The following ANKRD26 variants were observed in gnomAD, a reference collection of about 807,000 sequenced individuals.
The protein encoded by ANKRD26 is ankyrin repeat domain 26.
ANKRD26 carries 141 observed loss-of-function variants against 208.7 expected under a neutral mutation model. That is an observed-to-expected ratio of 0.68 (90% CI 0.59 to 0.78). The LOEUF (loss-of-function observed/expected upper bound fraction) is 0.78. Among genes scored for constraint, ANKRD26 ranks in the 30% least tolerant of loss-of-function variants. The pLI is 0.00. For synonymous variants in ANKRD26, 636 were observed against 660.4 expected, an observed-to-expected ratio of 0.96 and a Z score of 0.57; for missense variants, 1,889 against 1,938.7, an observed-to-expected ratio of 0.97 and a Z score of 0.48.
Position 27,035,342 on chromosome 10 carries a change from T to C in ANKRD26, c.3108A>G (p.Arg1036=). 2 of 1,614,006 alleles carry C rather than the reference T, an allele frequency of 1.2e-6. No individual in the cohort carries two copies. Among genetic ancestry groups the C allele is most frequent in the Non-Finnish European group, 1.7e-6 (2 of 1,179,930 alleles). ...SKRELELAFQ[R]ARDECSRLQD... ...GTAAACGAGAACATTCATCTCTTGC[T>C]CTCTGGAAAGCAAGTTCTAGTTCTC... The change falls in exon 24 of 34, where the codon AGA becomes AGG. Residue 1036 remains arginine (R), a synonymous_variant. Transcript: ENST00000376087.
chr10:27,068,014 G>C (rs187115578), intron 9 of ANKRD26, among the ~76,000 whole-genome samples: 1 of 152,208 alleles, frequency 6.6e-6, no homozygotes, highest in East Asian at 1.9e-4. Flanking sequence ...GGACAGTAAG[G>C]GCACAAAAGA....
chr10:26,985,313 G>A (rs2052367965), intron 3 of ANKRD26, among the ~76,000 whole-genome samples: 1 of 152,088 alleles, frequency 6.6e-6, no homozygotes, highest in South Asian at 2.1e-4. Context: ...GTTTACACCA[G>A]GATTACATTT....
rs1554799471 is a variant in ANKRD26 at position 27,099,569 on chromosome 10, G to GGC, written c.242+515_242+516insGC. Among the ~76,000 whole-genome samples the GGC allele has an allele frequency of 5.7e-4, 80 of 140,112 alleles. 1 individual carries two copies. The highest frequency in any genetic ancestry group is 2.0e-3 in the African/African-American group (77 of 38,868). The allele number at this position is 140,112 out of a possible 152,430, so 91.9% of individuals were successfully genotyped here. A position where few individuals can be genotyped will look rare whatever the true frequency, so the allele number is the denominator to read the frequency against. On this transcript the variant is annotated intron_variant, in intron 1 of 33. Coordinates refer to ENST00000376087, the MANE Select transcript of ANKRD26 (RefSeq NM_014915.3). ...AGCTGAGACTATTAGAGTTGGGGGG[G>GGC]GGGGTCTCGCTATAATGCCCAGGCT...
chr10:27,013,877 C>T (rs1183613726), intron 31 of ANKRD26, among the ~76,000 whole-genome samples: 3 of 152,204 alleles, frequency 2.0e-5, no homozygotes, highest in Admixed American at 6.5e-5. Context: ...ACCTGTTTTC[C>T]ACACACTCCC....
In ANKRD26 at chr10:27,077,597, AAT is replaced by A. The variant is rs113736825; in HGVS notation, c.874+34_874+35del. The stretch of plus-strand genomic sequence containing the variant: ...AAATATATGTAATTAAGAATCAGTG[AAT>A]AACACAAGAATAAGCAGTTTTCAAA... On this transcript the variant is annotated intron_variant, in intron 8 of 33. Coordinates refer to ENST00000376087, the MANE Select transcript of ANKRD26 (RefSeq NM_014915.3). 4,550 of 1,612,082 alleles carry A rather than the reference AAT, an allele frequency of 2.8e-3. 135 individuals are homozygous for A. In the African/African-American group the frequency reaches 0.053, roughly 19 times the overall value.
rs765372329 is a variant in ANKRD26, at chr10:27,043,509, G to A, written c.2078C>T (p.Thr693Ile). The A allele has an allele frequency of 2.2e-5, 36 of 1,613,778 alleles. No homozygotes were observed. The highest frequency in any genetic ancestry group is 2.8e-5 in the Non-Finnish European group (33 of 1,179,858). The change falls in exon 20 of 34, where the codon ACA (threonine) becomes ATA (isoleucine). Residue 693 changes from threonine (T) to isoleucine (I), a missense_variant. This residue lies in a region of ANKRD26 where 1,272 missense variants were observed against 1,273.8 expected (regional missense o/e 1.00). Transcript: ENST00000376087. ...DVDDLTQSSE[T>I]ASEDCELPHS... ...GGGTAGCTCACAATCCTCTGAGGCT[G>A]TTTCAGATGACTGAGTTAAGTCATC...
rs1487232789 is a variant in ANKRD26 at position 27,100,362 on chromosome 10, C to G, written c.-36G>C. 2 of 1,602,248 alleles carry G rather than the reference C, an allele frequency of 1.2e-6. No individual in the cohort carries two copies. Among genetic ancestry groups the G allele is most frequent in the Non-Finnish European group, 1.7e-6 (2 of 1,179,704 alleles). On this transcript the variant is annotated 5_prime_UTR_variant, in exon 1 of 34. Coordinates refer to ENST00000376087, the MANE Select transcript of ANKRD26 (RefSeq NM_014915.3). ...ACCGGGCTTCAGAGACACCTCATGT[C>G]TCTCTCGGCTCTTAACGGCCTCCGG...
chr10:27,017,823 TGAAG>T, intron 29 of ANKRD26, 31 bp from the exon 30 acceptor site: 1 of 1,594,268 alleles, frequency 6.3e-7, no homozygotes, highest in Admixed American at 1.7e-5. Context: ...AGTGTAATAA[TGAAG>T]GAAGTAGCCT....
In ANKRD26 at chr10:27,017,533, TCTG is replaced by T; in HGVS notation, c.4472_4474del (p.Ala1491del). 1 of 1,613,710 alleles carries T rather than the reference TCTG, an allele frequency of 6.2e-7. No homozygotes were observed. On this transcript the variant is annotated inframe_deletion, in exon 30 of 34. Coordinates refer to ENST00000376087, the MANE Select transcript of ANKRD26 (RefSeq NM_014915.3). ...AAATAGATTGACTTCTTTTAATTTTTCTGCTATTTCCTGTCTTGCTCTTTCTTC... is the reference window on the plus strand; with the variant it reads ...AAATAGATTGACTTCTTTTAATTTTTCTATTTCCTGTCTTGCTCTTTCTTC...
chr10:27,054,081 T>G (rs2054758225), intron 15 of ANKRD26, among the ~76,000 whole-genome samples: 1 of 152,194 alleles, frequency 6.6e-6, no homozygotes, highest in Admixed American at 6.5e-5. Flanking sequence ...GATAAACAGG[T>G]GTCTCCTTCC....
intron 19 of ANKRD26, among the ~76,000 whole-genome samples, 184 bp from the exon 20 acceptor site, chr10:27,043,751 T>A (rs1470117782): frequency 6.6e-6 from 1 of 152,192 alleles, no homozygotes; most frequent in East Asian, 1.9e-4. Context: ...AAAGTAAATG[T>A]CTTTACAACA....
intron 30 of ANKRD26, among the ~76,000 whole-genome samples, 196 bp from the exon 31 acceptor site, chr10:27,014,907 C>T (rs1225109842): frequency 1.3e-5 from 2 of 152,088 alleles, no homozygotes; most frequent in East Asian, 3.8e-4. Context: ...CAAATACTTC[C>T]AAAGAAATGA....
At chr10:26,959,118 A>G in the ANKRD26 span, among the ~76,000 whole-genome samples, 1 of 152,044 alleles carries the variant, frequency 6.6e-6, no homozygotes, top group African/African-American at 2.4e-5. Flanking sequence ...GAAACTACTA[A>G]AAATACAAAA....
chr10:26,999,394 C>T (rs117280459), downstream of ANKRD26, among the ~76,000 whole-genome samples: 400 of 152,290 alleles, frequency 2.6e-3, 4 homozygotes, highest in East Asian at 0.022. Context: ...TTAGGGTTCT[C>T]CTTCAGATAT....
Position 27,010,161 on chromosome 10 carries a change from T to C in ANKRD26, c.4953+2721A>G, listed in dbSNP as rs552260206. Among the ~76,000 whole-genome samples, 5 of 152,332 alleles carry C rather than the reference T, an allele frequency of 3.3e-5. No individual in the cohort carries two copies. The East Asian group carries it at 9.6e-4, about 29-fold the overall frequency. On this transcript the variant is annotated intron_variant, in intron 32 of 33. Coordinates refer to ENST00000376087, the MANE Select transcript of ANKRD26 (RefSeq NM_014915.3). ...GTTCTATTCTTTCAAAAAAATTTTT[T>C]TAATGTATGAAAGTCACTTGACCTG...
chr10:26,959,289 A>G, the ANKRD26 span, among the ~76,000 whole-genome samples: 4 of 151,908 alleles, frequency 2.6e-5, no homozygotes, highest in Admixed American at 1.3e-4. Flanking sequence ...AAAAAAAAAA[A>G]AAAGAAAGAA....
intron 20 of ANKRD26, among the ~76,000 whole-genome samples, chr10:27,040,723 C>T (rs1405561967): frequency 6.6e-6 from 1 of 152,068 alleles, no homozygotes; most frequent in Non-Finnish European, 1.5e-5. Context: ...ACAAGGATCC[C>T]TGACAGACAA....
chr10:27,040,764 T>C (rs899711115), intron 20 of ANKRD26, among the ~76,000 whole-genome samples: 7 of 152,078 alleles, frequency 4.6e-5, no homozygotes, highest in Admixed American at 4.6e-4. Context: ...GCGTAGTGGG[T>C]CACACCTGTA....
In ANKRD26 at chr10:27,050,826, CAT is replaced by C. The variant is rs2054628998; in HGVS notation, c.1636-1849_1636-1848del. ...ATATGGCTAAATTAGTTTCCCAGTC[CAT>C]ATGTCACTTGGAAGACTGATAGACT... On this transcript the variant is annotated intron_variant, in intron 16 of 33. Transcript: ENST00000376087. Among the ~76,000 whole-genome samples the C allele has an allele frequency of 2.6e-5, 4 of 152,244 alleles. No homozygotes were observed. In the South Asian group the frequency reaches 8.3e-4, roughly 32 times the overall value.
Sources: allele counts gnomAD v4.1 joint callset (sites outside exome capture counted in the v4.1 genomes callset), GRCh38; gene constraint gnomAD v4.1.1; regional missense constraint gnomAD v4.1.1; transcripts MANE v1.5; gene names NCBI Gene and HGNC (gene_info 2026-07-23, HGNC 2026-07-21).